Variants in CAPNS1 observed in about 807,000 individuals in gnomAD.
CAPNS1 encodes the protein CANP small subunit.
Under a neutral mutation model 39.2 loss-of-function variants are expected in CAPNS1, and 32 were observed. The ratio of observed to expected loss-of-function variants is 0.82; its 90% confidence interval spans 0.62 to 1.10. The LOEUF is 1.10. Among genes scored for constraint, CAPNS1 ranks in the 50% least tolerant of loss-of-function variants. The pLI is 0.00. For missense variants in CAPNS1, 353 were observed against 373.1 expected, an observed-to-expected ratio of 0.95 and a Z score of 0.44; for synonymous variants, 153 against 136.2, an observed-to-expected ratio of 1.12 and a Z score of -0.86.
chr19:36,149,952 C>T lies in CAPNS1; in HGVS notation c.*113C>T. 3 of 1,044,662 alleles carry T rather than the reference C, an allele frequency of 2.9e-6. No homozygotes were observed. The highest frequency in any genetic ancestry group is 3.9e-6 in the Non-Finnish European group (3 of 770,680). 64.7% of individuals were successfully genotyped at this position (1,044,662 alleles called of 1,614,324 possible). ...TCACATCTTTGTGGGGCCTGCTGACCCACAAGCTTTTGTTCTCTCAGTACT... is the reference window on the plus strand; with the variant it reads ...TCACATCTTTGTGGGGCCTGCTGACTCACAAGCTTTTGTTCTCTCAGTACT... On this transcript the variant is annotated 3_prime_UTR_variant, in exon 11 of 11. Transcript: ENST00000246533.
chr19:36,147,182 C>G (rs17879744), intron 9 of CAPNS1, among the ~76,000 whole-genome samples: 1 of 152,168 alleles, frequency 6.6e-6, no homozygotes, highest in African/African-American at 2.4e-5. Flanking sequence ...GAAGACATGG[C>G]TGGGAAGTGG....
chr19:36,142,601 C>T lies in CAPNS1; in HGVS notation c.244-51C>T, dbSNP rs770182217. 8.6e-6 allele frequency: 13 copies of T among 1,503,354 alleles called. No homozygotes were observed. In the Admixed American group the frequency reaches 8.8e-5, roughly 10 times the overall value. 93.1% of individuals were successfully genotyped at this position (1,503,354 alleles called of 1,614,324 possible). On this transcript the variant is annotated intron_variant, in intron 3 of 10. Transcript: ENST00000246533. ...CCCAGGGTACCTGGGTTTGGGGAGCCGTCCTGGCCGGGTTCCCCTCCCCCT... is the reference window on the plus strand; with the variant it reads ...CCCAGGGTACCTGGGTTTGGGGAGCTGTCCTGGCCGGGTTCCCCTCCCCCT...
chr19:36,142,147 G>A (rs548059053), intron 2 of CAPNS1, among the ~76,000 whole-genome samples, 153 bp from the exon 3 acceptor site: 1 of 152,226 alleles, frequency 6.6e-6, no homozygotes, highest in African/African-American at 2.4e-5. Flanking sequence ...AGTGTGGATT[G>A]GGACAGATGA....
Position 36,146,328 on chromosome 19 carries a change from G to GGAAGA in CAPNS1, c.721+16_721+17insGAAGA. 1.3e-6 allele frequency: 2 copies of GGAAGA among 1,554,652 alleles called. No homozygotes were observed. Among genetic ancestry groups the GGAAGA allele is most frequent in the Non-Finnish European group, 8.9e-7 (1 of 1,126,210 alleles). ...GCCATGTTCCGTGAGTGACAACCCA[G>GGAAGA]CTGTCTTCCTGGGTGGGGATTCCTA... On this transcript the variant is annotated intron_variant, in intron 9 of 10. Transcript: ENST00000246533.
intron 6 of CAPNS1, among the ~76,000 whole-genome samples, chr19:36,144,542 A>G (rs1974497718): frequency 6.6e-6 from 1 of 152,158 alleles, no homozygotes; most frequent in African/African-American, 2.4e-5. Flanking sequence ...ATTTTTATTT[A>G]TTTTTGTTTT....
chr19:36,141,160 G>C lies in CAPNS1; in HGVS notation c.149G>C (p.Gly50Ala), dbSNP rs913193741. 2 of 1,402,332 alleles carry C rather than the reference G, an allele frequency of 1.4e-6. No individual in the cohort carries two copies. The highest frequency in any genetic ancestry group is 1.8e-6 in the Non-Finnish European group (2 of 1,081,842). 86.9% of individuals were successfully genotyped at this position (1,402,332 alleles called of 1,614,324 possible). The change falls in exon 2 of 11, where the codon GGA becomes GCA. Residue 50 changes from glycine (G) to alanine (A), a missense_variant. Coordinates refer to ENST00000246533, the MANE Select transcript of CAPNS1 (RefSeq NM_001749.4). The part of the protein sequence containing the change: ...GGGGGGGGGG[G>A]GGGGGGTAMR... Reference sequence around the variant, plus strand: ...GGCGGCGGCGGCGGCGGCGGTGGTGGAGGCGGCGGTGGCGGTGGAACGGCC... The same window carrying C: ...GGCGGCGGCGGCGGCGGCGGTGGTGCAGGCGGCGGTGGCGGTGGAACGGCC...
chr19:36,146,800 G>A (rs1974584211), intron 9 of CAPNS1, among the ~76,000 whole-genome samples: 1 of 152,168 alleles, frequency 6.6e-6, no homozygotes, highest in South Asian at 2.1e-4. Context: ...CAAAGGCCTA[G>A]AAGGGAAAGA....
intron 9 of CAPNS1, among the ~76,000 whole-genome samples, chr19:36,148,693 G>A (rs958387319): frequency 6.6e-6 from 1 of 151,826 alleles, no homozygotes. Flanking sequence ...CACGCCTGTA[G>A]TCCCAGCTAC....
chr19:36,150,300 T>C lies in CAPNS1; in HGVS notation c.*461T>C. The C allele has an allele frequency of 6.1e-6, 1 of 165,092 alleles. No homozygotes were observed. Among genetic ancestry groups the C allele is most frequent in the Non-Finnish European group, 1.3e-5 (1 of 76,742 alleles). The allele number at this position is 165,092 out of a possible 1,614,324, so 10.2% of individuals were successfully genotyped here. On this transcript the variant is annotated 3_prime_UTR_variant, in exon 11 of 11. Coordinates refer to ENST00000246533, the MANE Select transcript of CAPNS1 (RefSeq NM_001749.4). ...CCCAGTGCCTTTGTCTATATTCTGCTCCCAGCCTGCCAGGCCCAGGAGGAA... is the reference window on the plus strand; with the variant it reads ...CCCAGTGCCTTTGTCTATATTCTGCCCCCAGCCTGCCAGGCCCAGGAGGAA...
intron 9 of CAPNS1, among the ~76,000 whole-genome samples, chr19:36,148,527 A>T (rs1463331594): frequency 7.1e-6 from 1 of 141,472 alleles, no homozygotes; most frequent in Non-Finnish European, 1.5e-5. Context: ...AAAAAAAAAA[A>T]GGGCTGGGCA....
At chr19:36,144,531 TA>T (rs1974497638) in intron 6 of CAPNS1, among the ~76,000 whole-genome samples, 2 of 152,264 alleles carry the variant, frequency 1.3e-5, no homozygotes, top group African/African-American at 2.4e-5. Context: ...GATACATGCA[TA>T]TTTTTATTTA....
intron 2 of CAPNS1, 45 bp from the exon 3 acceptor site, chr19:36,142,254 GA>G: frequency 7.1e-7 from 1 of 1,399,820 alleles, no homozygotes; most frequent in Non-Finnish European, 1.0e-6. Context: ...CTGCCCGTTG[GA>G]GGCCCCGCCC....
In CAPNS1 at chr19:36,145,203, CTTTTTTTT is replaced by C. The variant is rs5827950; in HGVS notation, c.457-591_457-584del. ...CTGTCAAGAATTTTCTTTTCTTTCT[CTTTTTTTT>C]TTTTTTTTTTTGAGACAGAGTCTCA... On this transcript the variant is annotated intron_variant, in intron 6 of 10. Transcript: ENST00000246533. Among the ~76,000 whole-genome samples the C allele has an allele frequency of 6.8e-5, 8 of 118,292 alleles. No homozygotes were observed. In the East Asian group the frequency reaches 1.6e-3, roughly 23 times the overall value. 77.6% of individuals were successfully genotyped at this position (118,292 alleles called of 152,430 possible). A position where few individuals can be genotyped will look rare whatever the true frequency, so the allele number is the denominator to read the frequency against.
chr19:36,142,010 A>G lies in CAPNS1; in HGVS notation c.210-290A>G, dbSNP rs80318319. 2.5e-3 allele frequency among the ~76,000 whole-genome samples: 378 copies of G among 152,258 alleles called. 9 individuals carry two copies. In the East Asian group the frequency reaches 0.061, roughly 25 times the overall value. ...GGATTTTTTAGGTTTAGGGTGGCCAAGATGACTGAAATCTGCCACTGGGTA... is the reference window on the plus strand; with the variant it reads ...GGATTTTTTAGGTTTAGGGTGGCCAGGATGACTGAAATCTGCCACTGGGTA... On this transcript the variant is annotated intron_variant, in intron 2 of 10. Transcript: ENST00000246533.
At chr19:36,143,572 C>T (rs1480940878) in intron 6 of CAPNS1, among the ~76,000 whole-genome samples, 4 of 151,402 alleles carry the variant, frequency 2.6e-5, no homozygotes, top group Non-Finnish European at 5.9e-5. Flanking sequence ...ATTAAAAATA[C>T]AAAAATTGGC....
At chr19:36,146,624 G>A (rs527839413) in intron 9 of CAPNS1, among the ~76,000 whole-genome samples, 1 of 152,172 alleles carries the variant, frequency 6.6e-6, no homozygotes, top group Non-Finnish European at 1.5e-5. Flanking sequence ...TGCTCAGATT[G>A]TGCTTGGGGA....
chr19:36,147,020 A>T (rs923815244), intron 9 of CAPNS1, among the ~76,000 whole-genome samples: 3 of 151,786 alleles, frequency 2.0e-5, no homozygotes, highest in Non-Finnish European at 4.4e-5. Context: ...AATTTTTAAA[A>T]TTTTTTGTAG....
chr19:36,141,335 T>G, intron 2 of CAPNS1, 115 bp downstream of exon 2: 2 of 1,385,400 alleles, frequency 1.4e-6, no homozygotes, highest in East Asian at 3.1e-5. Context: ...GAGGCTAACC[T>G]GGGTACATGA....
In CAPNS1 at chr19:36,150,099, C is replaced by A; in HGVS notation, c.*260C>A. Reference sequence around the variant, plus strand: ...CCATTCCCACCAGGCCCTGCACACACCCACTCCGTAACCTCTCCCCTGTAC... The same window carrying A: ...CCATTCCCACCAGGCCCTGCACACAACCACTCCGTAACCTCTCCCCTGTAC... On this transcript the variant is annotated 3_prime_UTR_variant, in exon 11 of 11. Transcript: ENST00000246533. The A allele has an allele frequency of 2.6e-6, 1 of 383,184 alleles. No individual in the cohort carries two copies. The highest frequency in any genetic ancestry group is 4.6e-6 in the Non-Finnish European group (1 of 216,300). 23.7% of individuals were successfully genotyped at this position (383,184 alleles called of 1,614,324 possible). A position where few individuals can be genotyped will look rare whatever the true frequency, so the allele number is the denominator to read the frequency against.
Sources: allele counts gnomAD v4.1 joint callset (sites outside exome capture counted in the v4.1 genomes callset), GRCh38; gene constraint gnomAD v4.1.1; transcripts MANE v1.5; gene names NCBI Gene and HGNC (gene_info 2026-07-23, HGNC 2026-07-21).